Variants in PRKCQ observed in about 807,000 individuals in gnomAD.
PRKCQ encodes the protein protein kinase C theta, also known as protein kinase C theta type.
Under a neutral mutation model 91.2 loss-of-function variants are expected in PRKCQ, and 41 were observed. The ratio of observed to expected loss-of-function variants is 0.45; its 90% CI spans 0.35 to 0.58. The LOEUF is 0.58. Among genes scored for constraint, PRKCQ ranks in the 20% least tolerant of loss-of-function variants. PRKCQ has a pLI of 0.00. For synonymous variants in PRKCQ, 307 were observed against 316.9 expected (o/e 0.97, Z 0.33); for missense variants, 673 against 896.5 (o/e 0.75, Z 3.18).
At chr10:6,569,759 C>T (rs1564398939) in intron 1 of PRKCQ, among the ~76,000 whole-genome samples, 4 of 152,026 alleles carry the variant, frequency 2.6e-5, no homozygotes, top group Admixed American at 6.6e-5. Flanking sequence ...GATTTCAGGT[C>T]GTGCAGCAGG....
the PRKCQ span, among the ~76,000 whole-genome samples, chr10:6,421,414 C>CG: frequency 1.3e-5 from 2 of 152,100 alleles, no homozygotes; most frequent in African/African-American, 4.8e-5. This position sits in a 1 kb window ranked among gnomAD's most constrained non-coding sequence, Gnocchi z 4.1. Flanking sequence ...GAGCCCAGGA[C>CG]GTGGAGGCTG....
Position 6,430,969 on chromosome 10 carries a change from T to G in PRKCQ, c.1837-31A>C. On this transcript the variant is annotated intron_variant, in intron 16 of 17. Coordinates refer to ENST00000263125, the MANE Select transcript of PRKCQ (RefSeq NM_006257.5). This position sits in a 1 kb window ranked among gnomAD's most constrained non-coding sequence, Gnocchi z 4.7. ...AGGGAGCAGAGCAGGAGCCCTGAGG[T>G]CTCCAGGGATGACCCTTTTGCATCA... 6.2e-7 allele frequency: 1 copy of G among 1,606,072 alleles called. No homozygotes were observed. The highest frequency in any genetic ancestry group is 8.5e-7 in the Non-Finnish European group (1 of 1,175,978).
At position 6,497,168 on chromosome 10, in the gene PRKCQ, A is replaced by G. The variant is rs770979208; in HGVS notation, c.575-48T>C. 1 of 1,613,934 alleles carries G rather than the reference A, an allele frequency of 6.2e-7. No individual in the cohort carries two copies. The highest frequency in any genetic ancestry group is 1.7e-5 in the Admixed American group (1 of 60,022). ...AGCTTAAGATTTTCATAGCCTAAGG[A>G]ATAACTAAATAAAAAGAATGATGGT... On this transcript the variant is annotated intron_variant, in intron 6 of 17. Coordinates refer to ENST00000263125, the MANE Select transcript of PRKCQ (RefSeq NM_006257.5). The surrounding 1 kb of genome is among the most constrained non-coding windows in gnomAD (Gnocchi z 4.5).
At chr10:6,553,130 G>GA (rs1357521107) in intron 1 of PRKCQ, among the ~76,000 whole-genome samples, 1 of 152,070 alleles carries the variant, frequency 6.6e-6, no homozygotes, top group Non-Finnish European at 1.5e-5. Flanking sequence ...GAGTGAAAAG[G>GA]AAAAATAGAC....
At chr10:6,449,889 A>AT (rs1366954375) in intron 15 of PRKCQ, among the ~76,000 whole-genome samples, 1 of 152,208 alleles carries the variant, frequency 6.6e-6, no homozygotes, top group East Asian at 1.9e-4. Flanking sequence ...ATGCTGAGGG[A>AT]TTTTGTCACC....
chr10:6,475,062 G>A lies in PRKCQ; in HGVS notation c.1353+3930C>T, dbSNP rs574307598. 2.0e-5 allele frequency among the ~76,000 whole-genome samples: 3 copies of A among 152,254 alleles called. No individual in the cohort carries two copies. In the South Asian group the frequency reaches 6.2e-4, roughly 32 times the overall value. ...GCAGCCTCTCAGAATGCTGATCTAC[G>A]TTAGACCCTGAGCCAGTAATTTATG... On this transcript the variant is annotated intron_variant, in intron 12 of 17. Coordinates refer to ENST00000263125, the MANE Select transcript of PRKCQ (RefSeq NM_006257.5).
intron 1 of PRKCQ, among the ~76,000 whole-genome samples, chr10:6,550,320 C>G (rs1396254327): frequency 1.3e-5 from 2 of 152,178 alleles, no homozygotes; most frequent in Non-Finnish European, 2.9e-5. Context: ...GCCGCCCAGC[C>G]TGGAGTGCAG....
intron 4 of PRKCQ, among the ~76,000 whole-genome samples, chr10:6,506,871 C>T (rs1356259345): frequency 6.6e-6 from 1 of 152,178 alleles, no homozygotes; most frequent in Non-Finnish European, 1.5e-5. Flanking sequence ...TGTCTCAGCA[C>T]ATCGTACCGG....
intron 1 of PRKCQ, among the ~76,000 whole-genome samples, chr10:6,526,538 C>T (rs981361945): frequency 1.3e-5 from 2 of 152,050 alleles, no homozygotes; most frequent in African/African-American, 4.8e-5. Flanking sequence ...TGTGAAATGA[C>T]GTTGAGTAAA....
Position 6,428,037 on chromosome 10 carries a change from T to C in PRKCQ, c.*170A>G, listed in dbSNP as rs1833206205. ...ACACACGGCATCGTCATTAGTGAAGTAGACTTGGTTTCTGCTACAGATAAA... is the reference window on the plus strand; with the variant it reads ...ACACACGGCATCGTCATTAGTGAAGCAGACTTGGTTTCTGCTACAGATAAA... On this transcript the variant is annotated 3_prime_UTR_variant, in exon 18 of 18. Transcript: ENST00000263125. The C allele has an allele frequency of 1.3e-6, 1 of 753,278 alleles. No homozygotes were observed. Among genetic ancestry groups the C allele is most frequent in the Non-Finnish European group, 2.1e-6 (1 of 470,886 alleles). The allele number at this position is 753,278 out of a possible 1,614,324, so 46.7% of individuals were successfully genotyped here.
chr10:6,408,846 A>C, the PRKCQ span, among the ~76,000 whole-genome samples: 5 of 152,222 alleles, frequency 3.3e-5, no homozygotes, highest in Non-Finnish European at 7.3e-5. Context: ...GCTGCTCTCC[A>C]TATTCTTACA....
chr10:6,490,211 C>G (rs189983422), intron 8 of PRKCQ, among the ~76,000 whole-genome samples: 1 of 152,160 alleles, frequency 6.6e-6, no homozygotes, highest in Non-Finnish European at 1.5e-5. Flanking sequence ...ATTTGAAAAC[C>G]TAACCCCTCC....
At chr10:6,555,209 C>G (rs1840365447) in intron 1 of PRKCQ, among the ~76,000 whole-genome samples, 1 of 151,672 alleles carries the variant, frequency 6.6e-6, no homozygotes, top group Admixed American at 6.6e-5. Flanking sequence ...ATCAATCGCA[C>G]CCTAAACCTC....
chr10:6,562,014 A>G (rs1341700077), intron 1 of PRKCQ, among the ~76,000 whole-genome samples: 1 of 152,212 alleles, frequency 6.6e-6, no homozygotes, highest in East Asian at 1.9e-4. Context: ...TACTTAAAAT[A>G]TAGTTTAAAA....
rs112354396 is a variant in PRKCQ, at chr10:6,566,332, T to C, written c.-10+13879A>G. 9.8e-3 allele frequency among the ~76,000 whole-genome samples: 1,494 copies of C among 152,274 alleles called. 13 individuals are homozygous for C. The highest frequency in any genetic ancestry group is 0.016 in the Non-Finnish European group (1,120 of 68,026). On this transcript the variant is annotated intron_variant, in intron 1 of 17. Transcript: ENST00000263125. ...TCTGCAGTGGTTATGACAGGACACA[T>C]TAACTACAGCCCTAGGAGCTTGAAA...
intron 1 of PRKCQ, among the ~76,000 whole-genome samples, chr10:6,561,507 C>A (rs984744785): frequency 6.6e-6 from 1 of 151,906 alleles, no homozygotes; most frequent in Non-Finnish European, 1.5e-5. Context: ...ATATCTGAGA[C>A]AATCAGAAAT....
intron 1 of PRKCQ, among the ~76,000 whole-genome samples, chr10:6,557,097 A>C (rs1262204590): frequency 6.6e-6 from 1 of 152,126 alleles, no homozygotes; most frequent in Non-Finnish European, 1.5e-5. Flanking sequence ...CCGGTTTTGC[A>C]ACCTCTAACA....
At chr10:6,472,321 C>T (rs1281000076) in intron 12 of PRKCQ, among the ~76,000 whole-genome samples, 1 of 150,440 alleles carries the variant, frequency 6.6e-6, no homozygotes, top group African/African-American at 2.4e-5. Flanking sequence ...AAAAAACAAA[C>T]AAAAAAAAAG....
At chr10:6,464,949 C>G (rs1269598959) in intron 12 of PRKCQ, among the ~76,000 whole-genome samples, 1 of 152,084 alleles carries the variant, frequency 6.6e-6, no homozygotes, top group East Asian at 1.9e-4. Flanking sequence ...TAGATGCTTG[C>G]GTGTTACAAC....
Sources: allele counts gnomAD v4.1 joint callset (sites outside exome capture counted in the v4.1 genomes callset), GRCh38; gene constraint gnomAD v4.1.1; non-coding constraint Gnocchi (gnomAD v3.1); transcripts MANE v1.5; gene names NCBI Gene and HGNC (gene_info 2026-07-23, HGNC 2026-07-21).